ANGPT1: variants seen among roughly 807,000 people sequenced by gnomAD.
The protein encoded by ANGPT1 is angiopoietin-1.
In ANGPT1, 17 loss-of-function variants were observed where a neutral mutation model predicts 62.2. The observed-to-expected ratio is 0.27, with a 90% CI of 0.19 to 0.41. The LOEUF (loss-of-function observed/expected upper bound fraction) is 0.41. Among genes scored for constraint, ANGPT1 ranks in the 10% least tolerant of loss-of-function variants. The pLI is 1.00. For missense variants in ANGPT1, 478 were observed against 594.9 expected (o/e 0.80, Z 2.04); for synonymous variants, 199 against 198.9 (o/e 1.00, Z 0.00).
At chr8:107,257,567 TTTC>T (rs1476968265) in intron 8 of ANGPT1, among the ~76,000 whole-genome samples, 1 of 152,216 alleles carries the variant, frequency 6.6e-6, no homozygotes, top group African/African-American at 2.4e-5. Context: ...TTTTTGTAGA[TTTC>T]TTTTGTTCGT....
intron 7 of ANGPT1, among the ~76,000 whole-genome samples, chr8:107,277,338 A>G (rs946835050): frequency 6.6e-6 from 1 of 152,208 alleles, no homozygotes; most frequent in Non-Finnish European, 1.5e-5. Context: ...ATATTAAGGC[A>G]GAAAAATTTT....
intron 4 of ANGPT1, among the ~76,000 whole-genome samples, chr8:107,313,697 C>T (rs1177982050): frequency 6.6e-6 from 1 of 151,802 alleles, no homozygotes; most frequent in African/African-American, 2.4e-5. Context: ...CCTGCCTCGG[C>T]CTCCCAAAGT....
intron 1 of ANGPT1, among the ~76,000 whole-genome samples, chr8:107,380,397 A>G (rs1333535310): frequency 6.8e-6 from 1 of 147,638 alleles, no homozygotes; most frequent in Non-Finnish European, 1.5e-5. Flanking sequence ...GTCCTGCACA[A>G]AAACACATCT....
Position 107,465,495 on chromosome 8 carries a change from C to T in ANGPT1, c.297+31767G>A, listed in dbSNP as rs543952710. 7.2e-5 allele frequency among the ~76,000 whole-genome samples: 11 copies of T among 151,916 alleles called. 1 individual carries two copies. The highest frequency in any genetic ancestry group is 3.9e-4 in the East Asian group (2 of 5,182). On this transcript the variant is annotated intron_variant, in intron 1 of 8. Transcript: ENST00000517746. ...TATTTTCATGCACTTTGATTGATGC[C>T]GTATTTCACAATAAAACATTTTTAA...
At chr8:107,268,701 T>A (rs2130058716) in intron 7 of ANGPT1, among the ~76,000 whole-genome samples, 1 of 152,212 alleles carries the variant, frequency 6.6e-6, no homozygotes, top group East Asian at 1.9e-4. Flanking sequence ...CAGCTAAAAT[T>A]ATTTTTTAAA....
At chr8:107,440,684 A>G (rs867688613) in intron 1 of ANGPT1, among the ~76,000 whole-genome samples, 23 of 152,384 alleles carry the variant, frequency 1.5e-4, no homozygotes, top group Middle Eastern at 6.8e-3. Flanking sequence ...AAGGTCTTCT[A>G]CAAGCATTAA....
chr8:107,322,044 T>C lies in ANGPT1; in HGVS notation c.660A>G (p.Gln220=). The change falls in exon 4 of 9, where the codon CAA becomes CAG. Residue 220 remains glutamine (Q), a synonymous_variant. Transcript: ENST00000517746. The part of the protein sequence containing the change: ...DTLKEEKENL[Q]GLVTRQTYII... ...TATATGTTTGACGAGTAACCAAGCC[T>C]TGAAGGTTCTCTTTCTCTTCCTTTA... 2 of 1,614,048 alleles carry C rather than the reference T, an allele frequency of 1.2e-6. No individual in the cohort carries two copies. Among genetic ancestry groups the C allele is most frequent in the Non-Finnish European group, 1.7e-6 (2 of 1,179,926 alleles).
Position 107,313,752 on chromosome 8 carries a change from C to T in ANGPT1, c.808+8144G>A, listed in dbSNP as rs941431742. On this transcript the variant is annotated intron_variant, in intron 4 of 8. Coordinates refer to ENST00000517746, the MANE Select transcript of ANGPT1 (RefSeq NM_001146.5). The stretch of plus-strand genomic sequence containing the variant: ...GCCACCACGACTGGCCAAAATGTTA[C>T]TAGTTTTAAAGATTCTTTGCAATTG... Among the ~76,000 whole-genome samples, 7 of 151,840 alleles carry T rather than the reference C, an allele frequency of 4.6e-5. No homozygotes were observed. In the South Asian group the frequency reaches 1.0e-3, roughly 22 times the overall value.
At chr8:107,311,003 CTG>C (rs1197400450) in intron 4 of ANGPT1, among the ~76,000 whole-genome samples, 3 of 147,696 alleles carry the variant, frequency 2.0e-5, no homozygotes, top group Non-Finnish European at 4.5e-5. Context: ...ATGTGTGTGA[CTG>C]TGTGTATGTA....
At chr8:107,474,815 G>A (rs1011779297) in intron 1 of ANGPT1, among the ~76,000 whole-genome samples, 16 of 152,128 alleles carry the variant, frequency 1.1e-4, no homozygotes, top group Non-Finnish European at 1.2e-4. Context: ...GCCAAATCAT[G>A]AGTGAACTCC....
At chr8:107,287,930 T>C (rs1305523770) in intron 6 of ANGPT1, among the ~76,000 whole-genome samples, 3 of 152,160 alleles carry the variant, frequency 2.0e-5, no homozygotes, top group Non-Finnish European at 4.4e-5. Flanking sequence ...CACTTAAAAA[T>C]CTAGCTGTTG....
intron 7 of ANGPT1, among the ~76,000 whole-genome samples, chr8:107,280,779 T>C (rs1813986154): frequency 6.6e-6 from 1 of 152,106 alleles, no homozygotes; most frequent in Non-Finnish European, 1.5e-5. Context: ...TACCTGCAGA[T>C]ATTTGAACAC....
intron 1 of ANGPT1, among the ~76,000 whole-genome samples, chr8:107,353,840 G>C (rs1013437324): frequency 6.6e-5 from 10 of 152,074 alleles, no homozygotes; most frequent in African/African-American, 2.4e-4. Context: ...GGTGAATGGG[G>C]TCTGCCTCTG....
At chr8:107,430,436 G>A (rs908829495) in intron 1 of ANGPT1, among the ~76,000 whole-genome samples, 9 of 152,114 alleles carry the variant, frequency 5.9e-5, no homozygotes, top group African/African-American at 1.9e-4. Context: ...CTCCTTGAGG[G>A]CAGAGTTCAT....
rs181289772 is a variant in ANGPT1, at chr8:107,363,188, T to C, written c.298-16091A>G. ...CTCATCAGTAAAGCCATCAGGCTAATTGTACCTGTCCTAAACATCTCAAAA... is the reference window on the plus strand; with the variant it reads ...CTCATCAGTAAAGCCATCAGGCTAACTGTACCTGTCCTAAACATCTCAAAA... On this transcript the variant is annotated intron_variant, in intron 1 of 8. Coordinates refer to ENST00000517746, the MANE Select transcript of ANGPT1 (RefSeq NM_001146.5). Among the ~76,000 whole-genome samples the C allele has an allele frequency of 3.8e-3, 583 of 152,132 alleles. 6 individuals carry two copies. Among genetic ancestry groups the C allele is most frequent in the African/African-American group, 0.014 (561 of 41,484 alleles).
At chr8:107,356,443 TAAAG>T (rs1430518711) in intron 1 of ANGPT1, among the ~76,000 whole-genome samples, 1 of 152,144 alleles carries the variant, frequency 6.6e-6, no homozygotes, top group Non-Finnish European at 1.5e-5. Flanking sequence ...ATGGGTAGAA[TAAAG>T]AAAGGAACAA....
chr8:107,303,240 CT>C lies in ANGPT1; in HGVS notation c.935del (p.Lys312ArgfsTer15). Reference protein sequence around the residue: ...IYINNMPEPKKVFCNMDVNGG... With the variant: ...IYINNMPEPKXVFCNMDVNGG... ...TGTAAACAAACACTTCTGGTTTTAC[CT>C]TTTTGGGTTCTGGCATATTATTAAT... On this transcript the variant is annotated frameshift_variant and splice_region_variant, in exon 5 of 9. Coordinates refer to ENST00000517746, the MANE Select transcript of ANGPT1 (RefSeq NM_001146.5). LOFTEE classifies it high-confidence loss of function. The C allele has an allele frequency of 6.2e-7, 1 of 1,608,902 alleles. No individual in the cohort carries two copies. Among genetic ancestry groups the C allele is most frequent in the Non-Finnish European group, 8.5e-7 (1 of 1,177,222 alleles).
At position 107,496,896 on chromosome 8, in the gene ANGPT1, A is replaced by G. The variant is rs73295737; in HGVS notation, c.297+366T>C. On this transcript the variant is annotated intron_variant, in intron 1 of 8. Coordinates refer to ENST00000517746, the MANE Select transcript of ANGPT1 (RefSeq NM_001146.5). ...AAAATCGATTTGATCTTATTAATTA[A>G]TATTGTCATTATTATTTATTTTTCA... Among the ~76,000 whole-genome samples the G allele has an allele frequency of 2.6e-3, 395 of 152,358 alleles. 1 individual carries two copies. Among genetic ancestry groups the G allele is most frequent in the African/African-American group, 9.0e-3 (373 of 41,576 alleles).
At chr8:107,433,783 C>G (rs908932621) in intron 1 of ANGPT1, among the ~76,000 whole-genome samples, 1 of 152,082 alleles carries the variant, frequency 6.6e-6, no homozygotes, top group African/African-American at 2.4e-5. Context: ...CATACACACA[C>G]AAAGAGAGGG....
Sources: allele counts gnomAD v4.1 joint callset (sites outside exome capture counted in the v4.1 genomes callset), GRCh38; gene constraint gnomAD v4.1.1; transcripts MANE v1.5; gene names NCBI Gene and HGNC (gene_info 2026-07-23, HGNC 2026-07-21).